Variants in HS6ST3 observed in about 807,000 individuals in gnomAD.
HS6ST3 encodes heparan-sulfate 6-O-sulfotransferase 3.
A neutral mutation model predicts 36.7 loss-of-function variants in HS6ST3; 12 were observed. The observed-to-expected ratio is 0.33, with a 90% CI of 0.21 to 0.53. The LOEUF (loss-of-function observed/expected upper bound fraction) is 0.53, where lower values mean the gene tolerates loss of function less well. HS6ST3 is among the 20% of genes least tolerant of loss of function. HS6ST3 has a pLI of 0.95. For missense variants in HS6ST3, 584 were observed against 640.9 expected, an observed-to-expected ratio of 0.91 and a Z score of 0.96; for synonymous variants, 240 against 257.5, an observed-to-expected ratio of 0.93 and a Z score of 0.65.
chr13:96,112,578 A>AATATATATATATATATATATATAT (rs59107741), intron 1 of HS6ST3, among the ~76,000 whole-genome samples: 3 of 81,242 alleles, frequency 3.7e-5, no homozygotes, highest in Non-Finnish European at 7.0e-5. Context: ...AAAATAAATA[A>AATATATATATATATATATATATAT]ATATATATAT....
At position 96,090,619 on chromosome 13, in the gene HS6ST3, C is replaced by A. The variant is rs1439901167; in HGVS notation, c.-244C>A. Among the ~76,000 whole-genome samples the A allele has an allele frequency of 1.4e-5, 2 of 146,052 alleles. No homozygotes were observed. The highest frequency in any genetic ancestry group is 1.4e-4 in the Admixed American group (2 of 14,750). On this transcript the variant is annotated 5_prime_UTR_variant, in exon 1 of 2. Transcript: ENST00000376705. ...CGGGCGCACCCGGGAGCGCAGGGCG[C>A]CCCACGCCGCAGCCGCAGCCGAGCG...
At chr13:96,342,465 G>A (rs1232528748) in intron 1 of HS6ST3, among the ~76,000 whole-genome samples, 4 of 152,120 alleles carry the variant, frequency 2.6e-5, no homozygotes, top group South Asian at 2.1e-4. Context: ...CCGAAGCATC[G>A]CCCTTGTAGC....
At chr13:96,324,824 C>G (rs946394356) in intron 1 of HS6ST3, among the ~76,000 whole-genome samples, 3 of 152,160 alleles carry the variant, frequency 2.0e-5, no homozygotes, top group African/African-American at 7.2e-5. Context: ...TCTCCCAGTT[C>G]CCAGAAGGAA....
At chr13:96,816,614 C>T (rs1878427254) in intron 1 of HS6ST3, among the ~76,000 whole-genome samples, 1 of 152,136 alleles carries the variant, frequency 6.6e-6, no homozygotes, top group African/African-American at 2.4e-5. Context: ...CCCTGTTCTC[C>T]CTGACCCCTC....
chr13:96,573,809 T>C (rs1198816679), intron 1 of HS6ST3: 1 of 377,748 alleles, frequency 2.6e-6, no homozygotes, highest in Non-Finnish European at 5.1e-6. Flanking sequence ...GATAGGAGAG[T>C]GTGTTGGACT....
At chr13:96,814,697 T>G (rs1194508622) in intron 1 of HS6ST3, among the ~76,000 whole-genome samples, 3 of 152,184 alleles carry the variant, frequency 2.0e-5, no homozygotes, top group African/African-American at 7.2e-5. Flanking sequence ...TTCTCATATT[T>G]TGCATGTCTT....
intron 1 of HS6ST3, among the ~76,000 whole-genome samples, chr13:96,791,222 G>C (rs148270070): frequency 6.6e-6 from 1 of 151,954 alleles, no homozygotes; most frequent in Non-Finnish European, 1.5e-5. Context: ...ATTACATTGG[G>C]AAGCTTCTAT....
At chr13:96,771,310 T>C (rs1594856323) in intron 1 of HS6ST3, among the ~76,000 whole-genome samples, 1 of 148,446 alleles carries the variant, frequency 6.7e-6, no homozygotes, top group Non-Finnish European at 1.5e-5. Context: ...TTAGGAGATA[T>C]ACCTAATGTA....
At position 96,836,256 on chromosome 13, in the gene HS6ST3, C is replaced by G. The variant is rs975352707; in HGVS notation, c.*3058C>G. On this transcript the variant is annotated 3_prime_UTR_variant, in exon 2 of 2. Coordinates refer to ENST00000376705, the MANE Select transcript of HS6ST3 (RefSeq NM_153456.4). ...ACCCTATTGACTCCTACAGTTCTTT[C>G]CCTTCTCTTGGCAATGGAAGCTCCA... 2 of 152,212 alleles carry G rather than the reference C, an allele frequency of 1.3e-5. No homozygotes were observed. The highest frequency in any genetic ancestry group is 2.9e-5 in the Non-Finnish European group (2 of 68,042). The allele number at this position is 152,212 out of a possible 1,614,324, so 9.4% of individuals were successfully genotyped here. A position where few individuals can be genotyped will look rare whatever the true frequency, so the allele number is the denominator to read the frequency against.
At chr13:96,173,162 TAAAAG>T (rs1447861916) in intron 1 of HS6ST3, among the ~76,000 whole-genome samples, 1 of 151,992 alleles carries the variant, frequency 6.6e-6, no homozygotes, top group African/African-American at 2.4e-5. Flanking sequence ...ATAAATCAGA[TAAAAG>T]AGAAAGAGAA....
At chr13:96,648,979 C>T (rs557305851) in intron 1 of HS6ST3, among the ~76,000 whole-genome samples, 11 of 151,956 alleles carry the variant, frequency 7.2e-5, no homozygotes, top group Admixed American at 3.9e-4. Flanking sequence ...TGATCTCAGA[C>T]CTCTCTGCAG....
At chr13:96,730,039 G>T (rs946857407) in intron 1 of HS6ST3, among the ~76,000 whole-genome samples, 2 of 152,130 alleles carry the variant, frequency 1.3e-5, no homozygotes. Flanking sequence ...TCATGCAATT[G>T]TATCTTTTCT....
intron 1 of HS6ST3, among the ~76,000 whole-genome samples, chr13:96,587,748 A>T (rs556244646): frequency 6.6e-6 from 1 of 152,366 alleles, no homozygotes; most frequent in African/African-American, 2.4e-5. Context: ...GCAAAGGCCT[A>T]TTAAGGTCCC....
At chr13:96,435,417 C>A (rs1196463954) in intron 1 of HS6ST3, among the ~76,000 whole-genome samples, 1 of 152,144 alleles carries the variant, frequency 6.6e-6, no homozygotes, top group Non-Finnish European at 1.5e-5. Flanking sequence ...GTTAGCCTGA[C>A]ATACCCATCT....
chr13:96,149,043 T>TA (rs1318994155), intron 1 of HS6ST3, among the ~76,000 whole-genome samples: 1 of 152,188 alleles, frequency 6.6e-6, no homozygotes, highest in Non-Finnish European at 1.5e-5. Flanking sequence ...GCCTTCGTAG[T>TA]AAAATATAGC....
rs144069378 is a variant in HS6ST3 at position 96,402,344 on chromosome 13, G to C, written c.707+310775G>C. On this transcript the variant is annotated intron_variant, in intron 1 of 1. Coordinates refer to ENST00000376705, the MANE Select transcript of HS6ST3 (RefSeq NM_153456.4). ...TTGGATAATATGTGAGCTTAGAACAGTCATTTATATAATGAATACTATATA... is the reference window on the plus strand; with the variant it reads ...TTGGATAATATGTGAGCTTAGAACACTCATTTATATAATGAATACTATATA... Among the ~76,000 whole-genome samples, 1,015 of 152,288 alleles carry C rather than the reference G, an allele frequency of 6.7e-3. 15 individuals carry two copies. The highest frequency in any genetic ancestry group is 0.024 in the Admixed American group (371 of 15,300).
rs182706168 is a variant in HS6ST3 at position 96,588,986 on chromosome 13, G to C, written c.708-243504G>C. On this transcript the variant is annotated intron_variant, in intron 1 of 1. Coordinates refer to ENST00000376705, the MANE Select transcript of HS6ST3 (RefSeq NM_153456.4). ...GAATCACTTGAATCTGGGAGGCGGA[G>C]GTTGCAGTGAGCCAAGATAGCACCA... Among the ~76,000 whole-genome samples the C allele has an allele frequency of 3.2e-4, 49 of 151,196 alleles. No homozygotes were observed. In the East Asian group the frequency reaches 9.6e-3, roughly 30 times the overall value.
chr13:96,790,270 T>TAC (rs56867063), intron 1 of HS6ST3, among the ~76,000 whole-genome samples: 15,829 of 144,188 alleles, frequency 0.11, 1,040 homozygotes, highest in African/African-American at 0.2. Context: ...AACACACATG[T>TAC]ACACACACAC....
At chr13:96,791,968 G>A (rs1220064594) in intron 1 of HS6ST3, among the ~76,000 whole-genome samples, 1 of 151,698 alleles carries the variant, frequency 6.6e-6, no homozygotes, top group Non-Finnish European at 1.5e-5. Context: ...ACCATATATA[G>A]GTAACATATA....
Sources: allele counts gnomAD v4.1 joint callset (sites outside exome capture counted in the v4.1 genomes callset), GRCh38; gene constraint gnomAD v4.1.1; transcripts MANE v1.5; gene names NCBI Gene and HGNC (gene_info 2026-07-23, HGNC 2026-07-21).